The following CFAP46 variants were observed in gnomAD, a reference collection of about 807,000 sequenced individuals.
The protein encoded by CFAP46 is cilia- and flagella-associated protein 46.
CFAP46 carries 245 observed loss-of-function variants against 325.7 expected under a neutral mutation model. That is an observed-to-expected ratio of 0.75 (90% confidence interval 0.68 to 0.84). CFAP46 has a LOEUF of 0.84. CFAP46 is among the 40% of genes least tolerant of loss of function. The pLI is 0.00. For synonymous variants in CFAP46, 1,523 were observed against 1,495.9 expected, an observed-to-expected ratio of 1.02 and a Z score of -0.42; for missense variants, 3,346 against 3,543.0, an observed-to-expected ratio of 0.94 and a Z score of 1.41.
At position 132,912,780 on chromosome 10, in the gene CFAP46, G is replaced by A. The variant is rs762590092; in HGVS notation, c.2374C>T (p.Arg792Ter). Residue 792 changes from arginine (R) to a stop codon, truncating the protein, a stop_gained, in exon 19 of 58, where the codon CGA becomes TGA. Coordinates refer to ENST00000368586, the MANE Select transcript of CFAP46 (RefSeq NM_001200049.3). LOFTEE classifies it high-confidence loss of function. Reference protein sequence around the residue: ...MLVTLCNTLARGLIISWIPVQ... With the variant: ...MLVTLCNTLA ...GGAATCCAGCTGATGATCAGGCCTC[G>A]CGCCAAGGTGTTGCAGAGCGTCACC... 2.6e-5 allele frequency: 40 copies of A among 1,549,938 alleles called. No homozygotes were observed. Among genetic ancestry groups the A allele is most frequent in the Middle Eastern group, 1.7e-4 (1 of 6,014 alleles).
chr10:132,814,072 G>A lies in CFAP46; in HGVS notation c.7388+80C>T, dbSNP rs541210732. 9.3e-4 allele frequency: 1,024 copies of A among 1,103,416 alleles called. 7 individuals are homozygous for A. In the African/African-American group the frequency reaches 0.014, roughly 15 times the overall value. 68.4% of individuals were successfully genotyped at this position (1,103,416 alleles called of 1,614,324 possible). ...ACTGGCAGGGCAGACCCAGGGAGCCGGGGGTAGGGGGCAGTGGCTCCCCGC... is the reference window on the plus strand; with the variant it reads ...ACTGGCAGGGCAGACCCAGGGAGCCAGGGGTAGGGGGCAGTGGCTCCCCGC... On this transcript the variant is annotated intron_variant, in intron 54 of 57. Coordinates refer to ENST00000368586, the MANE Select transcript of CFAP46 (RefSeq NM_001200049.3).
chr10:132,935,940 C>T (rs1849995488), intron 7 of CFAP46, among the ~76,000 whole-genome samples: 1 of 119,022 alleles, frequency 8.4e-6, no homozygotes, highest in Non-Finnish European at 1.8e-5. Flanking sequence ...CTCCCCTCGG[C>T]ACCCAAACAC....
At chr10:132,821,421 G>A (rs1258326082) in intron 50 of CFAP46, among the ~76,000 whole-genome samples, 42 of 120,758 alleles carry the variant, frequency 3.5e-4, no homozygotes, top group African/African-American at 1.2e-3. Context: ...CTGTGTGAGC[G>A]CTGATGTGTG....
At chr10:132,913,442 C>T (rs1162810331) in intron 17 of CFAP46, among the ~76,000 whole-genome samples, 184 bp from the exon 18 acceptor site, 1 of 152,218 alleles carries the variant, frequency 6.6e-6, no homozygotes, top group Non-Finnish European at 1.5e-5. Flanking sequence ...CACCTGAGCC[C>T]CGCCTCCCGT....
At position 132,834,099 on chromosome 10, in the gene CFAP46, G is replaced by A. The variant is rs755488836; in HGVS notation, c.6891C>T (p.Ala2297=). The change falls in exon 49 of 58, where the codon GCC becomes GCT. Residue 2297 remains alanine (A), a synonymous_variant. Coordinates refer to ENST00000368586, the MANE Select transcript of CFAP46 (RefSeq NM_001200049.3). Reference sequence around the variant, plus strand: ...CTTTGCCCTTCGACTTCCCTGAATCGGCAACAACCGCAGGTGTCTGCACTC... The same window carrying A: ...CTTTGCCCTTCGACTTCCCTGAATCAGCAACAACCGCAGGTGTCTGCACTC... ...KARVQTPAVV[A]DSGKSKGKDK... is the part of the protein sequence containing the mutation. The A allele has an allele frequency of 6.8e-6, 11 of 1,613,922 alleles. No individual in the cohort carries two copies. The highest frequency in any genetic ancestry group is 4.0e-5 in the African/African-American group (3 of 74,922).
chr10:132,938,608 A>T lies in CFAP46; in HGVS notation c.517T>A (p.Trp173Arg), dbSNP rs139965985. Residue 173 changes from tryptophan to arginine, a missense_variant, in exon 5 of 58, where the codon TGG becomes AGG. Physicochemically the swap from Trp to Arg is moderately radical, Grantham distance 101. Transcript: ENST00000368586. ...ACTCACAGCATCAGCTCAGCACGCC[A>T]CTCCTTGTCTTCCTCCTCAGTCTGA... The part of the protein sequence containing the change: ...LSQTEEEDKE[W>R]RAELMLELLE... 8.3e-5 allele frequency: 134 copies of T among 1,612,762 alleles called. No individual in the cohort carries two copies. Among genetic ancestry groups the T allele is most frequent in the Admixed American group, 3.2e-4 (19 of 59,960 alleles).
At chr10:132,850,729 A>C (rs1459944697) in intron 40 of CFAP46, among the ~76,000 whole-genome samples, 2 of 152,254 alleles carry the variant, frequency 1.3e-5, no homozygotes, top group Non-Finnish European at 2.9e-5. Context: ...GAAAACTCAA[A>C]ATGGAAGAAT....
rs150259214 is a variant in CFAP46 at position 132,870,243 on chromosome 10, G to C, written c.4512-871C>G. Among the ~76,000 whole-genome samples, 1,495 of 152,144 alleles carry C rather than the reference G, an allele frequency of 9.8e-3. 15 individuals carry two copies. The highest frequency in any genetic ancestry group is 0.043 in the South Asian group (208 of 4,808). Reference sequence around the variant, plus strand: ...ATTGCTCTGCAGCTTGGCCGCTCCCGCATTTCTCTCCCTCCCCTTGGGCCT... The same window carrying C: ...ATTGCTCTGCAGCTTGGCCGCTCCCCCATTTCTCTCCCTCCCCTTGGGCCT... On this transcript the variant is annotated intron_variant, in intron 32 of 57. Transcript: ENST00000368586.
At position 132,860,523 on chromosome 10, in the gene CFAP46, C is replaced by T. The variant is rs1848705887; in HGVS notation, c.5092G>A (p.Val1698Met). ...SMEHSGREATVCHIFQKLINA... is the reference protein window; with the variant it reads ...SMEHSGREATMCHIFQKLINA... Reference sequence around the variant, plus strand: ...ATGAGCTTCTGAAATATGTGACACACCTGAGGACAGGCAGGGGTGGATACG... The same window carrying T: ...ATGAGCTTCTGAAATATGTGACACATCTGAGGACAGGCAGGGGTGGATACG... Residue 1698 changes from valine to methionine, a missense_variant and splice_region_variant, in exon 37 of 58, where the codon GTG (valine) becomes ATG (methionine). Val to Met is a conservative substitution (Grantham distance 21). Coordinates refer to ENST00000368586, the MANE Select transcript of CFAP46 (RefSeq NM_001200049.3). 6.5e-7 allele frequency: 1 copy of T among 1,547,324 alleles called. No individual in the cohort carries two copies. The highest frequency in any genetic ancestry group is 8.7e-7 in the Non-Finnish European group (1 of 1,143,846).
chr10:132,899,067 G>A lies in CFAP46; in HGVS notation c.3111C>T (p.Tyr1037=). The A allele has an allele frequency of 6.4e-7, 1 of 1,550,562 alleles. No individual in the cohort carries two copies. Among genetic ancestry groups the A allele is most frequent in the Non-Finnish European group, 8.7e-7 (1 of 1,147,000 alleles). Residue 1037 remains tyrosine, a synonymous_variant, in exon 24 of 58, where the codon TAC becomes TAT. Transcript: ENST00000368586. ...ACAGCAGTGGGAGCCAGGCGTTCCA[G>A]TAATGCCGCGCGGCCAGCATCACCA... ...SALVMLAARH[Y]WNAWLPLLSS... is the part of the protein sequence containing the mutation.
At chr10:132,920,799 G>A (rs1849711379) in intron 13 of CFAP46, among the ~76,000 whole-genome samples, 1 of 152,212 alleles carries the variant, frequency 6.6e-6, no homozygotes, top group South Asian at 2.1e-4. Context: ...CCCTGGGCAG[G>A]GCCCCGCAGC....
intron 23 of CFAP46, 79 bp downstream of exon 23, chr10:132,899,456 G>T: frequency 6.9e-7 from 1 of 1,458,180 alleles, no homozygotes. Context: ...CACAGGATGG[G>T]CCACAGCCTT....
rs1260033199 is a variant in CFAP46 at position 132,916,732 on chromosome 10, A to G, written c.1987-50T>C. 2.8e-6 allele frequency: 4 copies of G among 1,407,026 alleles called. No individual in the cohort carries two copies. In the East Asian group the frequency reaches 8.8e-5, roughly 31 times the overall value. The allele number at this position is 1,407,026 out of a possible 1,614,324, so 87.2% of individuals were successfully genotyped here. A position where few individuals can be genotyped will look rare whatever the true frequency, so the allele number is the denominator to read the frequency against. On this transcript the variant is annotated intron_variant, in intron 16 of 57. Transcript: ENST00000368586. Reference sequence around the variant, plus strand: ...GGGGTCATGGGCGGAGCACGGGCCCAGCACCAGATAGGAAACACACACGCC... The same window carrying G: ...GGGGTCATGGGCGGAGCACGGGCCCGGCACCAGATAGGAAACACACACGCC...
Position 132,833,405 on chromosome 10 carries a change from T to C in CFAP46, c.7070A>G (p.Glu2357Gly), listed in dbSNP as rs755054307. The change falls in exon 50 of 58, where the codon GAA becomes GGA. Residue 2357 changes from glutamate to glycine, a missense_variant. Coordinates refer to ENST00000368586, the MANE Select transcript of CFAP46 (RefSeq NM_001200049.3). Reference sequence around the variant, plus strand: ...ATTCCACAGCATTTGAAGAGAAAATTCTCGTGACACAGAGGAAATTGTCCC... The same window carrying C: ...ATTCCACAGCATTTGAAGAGAAAATCCTCGTGACACAGAGGAAATTGTCCC... ...DEGTISSVSR[E>G]FSLQMLWNRL... 6 of 1,614,166 alleles carry C rather than the reference T, an allele frequency of 3.7e-6. No homozygotes were observed. The Admixed American group carries it at 8.3e-5, about 22-fold the overall frequency.
intron 50 of CFAP46, among the ~76,000 whole-genome samples, chr10:132,823,135 TCTGTGTGCTGATGTGTG>T (rs1847922603): frequency 7.4e-6 from 1 of 135,376 alleles, no homozygotes; most frequent in African/African-American, 2.9e-5. Flanking sequence ...TGATGTGTGC[TCTGTGTGCTGATGTGTG>T]CTGTGTGAGT....
intron 29 of CFAP46, among the ~76,000 whole-genome samples, chr10:132,879,207 G>A (rs985976762): frequency 2.0e-5 from 3 of 152,190 alleles, no homozygotes; most frequent in African/African-American, 7.2e-5. Flanking sequence ...GAAGAGGGGA[G>A]TCTTTTGTTT....
At chr10:132,905,003 T>C (rs1405178022) in intron 22 of CFAP46, among the ~76,000 whole-genome samples, 1 of 152,088 alleles carries the variant, frequency 6.6e-6, no homozygotes, top group Non-Finnish European at 1.5e-5. Flanking sequence ...CATCTTCTGG[T>C]CCCCACTGTG....
intron 22 of CFAP46, among the ~76,000 whole-genome samples, chr10:132,900,614 A>G (rs1055181562): frequency 6.6e-6 from 1 of 152,254 alleles, no homozygotes; most frequent in African/African-American, 2.4e-5. Flanking sequence ...CTTGGCCTGC[A>G]TGGGCCTGCA....
chr10:132,883,793 C>T (rs913373136), intron 27 of CFAP46, among the ~76,000 whole-genome samples: 1 of 152,116 alleles, frequency 6.6e-6, no homozygotes, highest in Non-Finnish European at 1.5e-5. Flanking sequence ...TGGCCCTGGG[C>T]GATGTCATGC....
Sources: allele counts gnomAD v4.1 joint callset (sites outside exome capture counted in the v4.1 genomes callset), GRCh38; gene constraint gnomAD v4.1.1; transcripts MANE v1.5; gene names NCBI Gene and HGNC (gene_info 2026-07-23, HGNC 2026-07-21).